The following DAB1 variants were observed in gnomAD, a reference collection of about 807,000 sequenced individuals.
DAB1 encodes disabled homolog 1.
A neutral mutation model predicts 64.6 loss-of-function variants in DAB1; 15 were observed. That is an observed-to-expected ratio of 0.23 (90% confidence interval 0.16 to 0.36). The LOEUF (loss-of-function observed/expected upper bound fraction) is 0.36. Ranked by LOEUF, DAB1 falls within the 10% of genes least tolerant of loss-of-function variation. The pLI is 1.00. For synonymous variants in DAB1, 235 were observed against 251.9 expected, an observed-to-expected ratio of 0.93 and a Z score of 0.64; for missense variants, 596 against 706.7, an observed-to-expected ratio of 0.84 and a Z score of 1.78.
chr1:58,038,513 C>T (rs1460274296), intron 5 of DAB1, among the ~76,000 whole-genome samples: 6 of 152,216 alleles, frequency 3.9e-5, no homozygotes, highest in Non-Finnish European at 4.4e-5. Context: ...CGGTTACCAA[C>T]TGAGCACTCA....
intron 3 of DAB1, among the ~76,000 whole-genome samples, chr1:58,350,286 C>T (rs1644041083): frequency 6.6e-6 from 1 of 152,088 alleles, no homozygotes; most frequent in Admixed American, 6.5e-5. Context: ...ATCCTCTGCA[C>T]ACTTTTTGAT....
chr1:58,167,274 T>C (rs1457480030), intron 4 of DAB1, among the ~76,000 whole-genome samples: 13 of 151,470 alleles, frequency 8.6e-5, no homozygotes, highest in African/African-American at 2.9e-4. Context: ...CACCAATCAG[T>C]GCTCTTTGTC....
intron 1 of DAB1, among the ~76,000 whole-genome samples, chr1:57,300,233 A>C (rs147049233): frequency 1.3e-5 from 2 of 152,358 alleles, no homozygotes; most frequent in African/African-American, 4.8e-5. Context: ...CTAGATGCTC[A>C]GAAAGAAATA....
chr1:57,065,717 C>A (rs1650838815), intron 8 of DAB1, among the ~76,000 whole-genome samples: 1 of 152,124 alleles, frequency 6.6e-6, no homozygotes, highest in African/African-American at 2.4e-5. Flanking sequence ...AGTTTCAGAC[C>A]AAAAGGAACC....
At chr1:57,021,664 T>C (rs1046093301) in intron 11 of DAB1, among the ~76,000 whole-genome samples, 7 of 152,170 alleles carry the variant, frequency 4.6e-5, no homozygotes, top group Admixed American at 1.3e-4. Flanking sequence ...CGGTGTCAGG[T>C]ATGTCTTTAT....
At chr1:58,544,884 G>A (rs1050249545) in intron 1 of DAB1, among the ~76,000 whole-genome samples, 1 of 152,074 alleles carries the variant, frequency 6.6e-6, no homozygotes, top group Non-Finnish European at 1.5e-5. Flanking sequence ...CTGAGCCACC[G>A]CACCTGGCCA....
Position 57,939,057 on chromosome 1 carries a change from C to G in DAB1, n.388-54895G>C, listed in dbSNP as rs189572773. Among the ~76,000 whole-genome samples, 575 of 152,216 alleles carry G rather than the reference C, an allele frequency of 3.8e-3. 2 individuals are homozygous for G. The highest frequency in any genetic ancestry group is 6.0e-3 in the Admixed American group (91 of 15,282). ...CGTAGACAGGGTAGCTTTTGAACAA[C>G]AAACATTTATTTTTCACAGTTCTGG... is the stretch of plus-strand genomic sequence containing the variant. On this transcript the variant is annotated intron_variant and non_coding_transcript_variant, in intron 5 of 20. Coordinates refer to the DAB1 transcript ENST00000485760.
intron 4 of DAB1, among the ~76,000 whole-genome samples, chr1:58,287,564 G>A (rs193221307): frequency 8.1e-5 from 12 of 147,966 alleles, no homozygotes; most frequent in African/African-American, 3.0e-4. Context: ...GCATATTCAT[G>A]GGATAGGGGG....
intron 3 of DAB1, among the ~76,000 whole-genome samples, chr1:58,459,018 T>C (rs530474689): frequency 1.3e-5 from 2 of 152,316 alleles, no homozygotes; most frequent in East Asian, 3.9e-4. Flanking sequence ...GAGAAAGTCC[T>C]TAATGCATGG....
At chr1:57,581,393 T>C (rs979999734) in intron 7 of DAB1, among the ~76,000 whole-genome samples, 5 of 152,200 alleles carry the variant, frequency 3.3e-5, no homozygotes, top group African/African-American at 1.2e-4. Flanking sequence ...GATATTTGCA[T>C]GCCCCAAATC....
chr1:57,821,458 T>C (rs1652117788), downstream of DAB1, among the ~76,000 whole-genome samples: 4 of 152,198 alleles, frequency 2.6e-5, no homozygotes, highest in African/African-American at 9.6e-5. Flanking sequence ...GTCACATCTA[T>C]GATGGTGGTA....
intron 4 of DAB1, among the ~76,000 whole-genome samples, chr1:58,199,401 T>A (rs1657876786): frequency 6.6e-6 from 1 of 152,218 alleles, no homozygotes; most frequent in South Asian, 2.1e-4. Flanking sequence ...ACCTTTCTAA[T>A]CTCATAAAAT....
At chr1:57,687,599 C>CAAAAAAAAAAAAAAAAAAAAAAAAAAAA (rs57316234) in intron 6 of DAB1, among the ~76,000 whole-genome samples, 91 of 82,392 alleles carry the variant, frequency 1.1e-3, no homozygotes, top group Non-Finnish European at 1.4e-3. Flanking sequence ...TCTTAAGAAA[C>CAAAAAAAAAAAAAAAAAAAAAAAAAAAA]AAAAAAAAAA....
chr1:57,585,610 C>T (rs1042862095), intron 7 of DAB1, among the ~76,000 whole-genome samples: 6 of 152,166 alleles, frequency 3.9e-5, no homozygotes, highest in South Asian at 2.1e-4. Flanking sequence ...GCATCTGGTT[C>T]GCACATTTAT....
At chr1:57,721,624 T>C (rs540004851) in intron 6 of DAB1, among the ~76,000 whole-genome samples, 17 of 152,322 alleles carry the variant, frequency 1.1e-4, no homozygotes, top group African/African-American at 4.1e-4. Context: ...CTATCTGAGT[T>C]CTGAATCCAG....
intron 7 of DAB1, among the ~76,000 whole-genome samples, chr1:57,547,552 A>C (rs1002524709): frequency 1.3e-5 from 2 of 152,238 alleles, no homozygotes; most frequent in African/African-American, 4.8e-5. Flanking sequence ...TTACCAAACC[A>C]CAGTGGTCTC....
At chr1:58,291,741 G>C (rs182123304) in intron 4 of DAB1, among the ~76,000 whole-genome samples, 2 of 152,118 alleles carry the variant, frequency 1.3e-5, no homozygotes, top group South Asian at 2.1e-4. Context: ...GGAACCTGGC[G>C]GGGGGAGACA....
chr1:57,351,831 A>T (rs554975188), intron 1 of DAB1, among the ~76,000 whole-genome samples: 69 of 152,132 alleles, frequency 4.5e-4, no homozygotes, highest in African/African-American at 1.6e-3. Flanking sequence ...TTTGGATAAA[A>T]CACCCACACA....
chr1:57,572,015 G>A (rs956554875), intron 7 of DAB1, among the ~76,000 whole-genome samples: 4 of 152,188 alleles, frequency 2.6e-5, no homozygotes, highest in African/African-American at 9.7e-5. Context: ...TTCAAGCATG[G>A]ACAGTCCATG....
Sources: allele counts gnomAD v4.1 joint callset (sites outside exome capture counted in the v4.1 genomes callset), GRCh38; gene constraint gnomAD v4.1.1; transcripts MANE v1.5; gene names NCBI Gene and HGNC (gene_info 2026-07-23, HGNC 2026-07-21).